The following LRRC4C variants were observed in gnomAD, a reference collection of about 807,000 sequenced individuals.
The protein encoded by LRRC4C is leucine-rich repeat-containing protein 4C.
Under a neutral mutation model 33.6 loss-of-function variants are expected in LRRC4C, and 5 were observed. That is an observed-to-expected ratio of 0.15 (90% CI 0.08 to 0.31). The LOEUF (loss-of-function observed/expected upper bound fraction) is 0.31. LRRC4C is among the 10% of genes least tolerant of loss of function. The pLI is 1.00. For synonymous variants in LRRC4C, 329 were observed against 302.0 expected (o/e 1.09, Z -0.93); for missense variants, 560 against 796.7 (o/e 0.70, Z 3.58).
At chr11:40,728,619 C>G (rs1250070175) in intron 2 of LRRC4C, among the ~76,000 whole-genome samples, 1 of 123,512 alleles carries the variant, frequency 8.1e-6, no homozygotes, top group Admixed American at 8.2e-5. Context: ...GAGTCAGACT[C>G]CGTCTCAAAA....
intron 1 of LRRC4C, among the ~76,000 whole-genome samples, chr11:41,293,283 A>C (rs961702841): frequency 8.5e-5 from 13 of 152,146 alleles, no homozygotes; most frequent in Admixed American, 2.0e-4. Context: ...ATTTTGTATT[A>C]CTATCATAGT....
At chr11:40,195,737 G>T (rs1862208335) in intron 5 of LRRC4C, among the ~76,000 whole-genome samples, 1 of 131,664 alleles carries the variant, frequency 7.6e-6, no homozygotes, top group Admixed American at 7.6e-5. Flanking sequence ...ATAAAAAGGT[G>T]ATTGTCAAAA....
At chr11:40,787,842 C>T (rs1313742800) in intron 2 of LRRC4C, among the ~76,000 whole-genome samples, 1 of 151,930 alleles carries the variant, frequency 6.6e-6, no homozygotes, top group Non-Finnish European at 1.5e-5. Flanking sequence ...TTATGCTTGC[C>T]CAGTGATTTC....
chr11:40,439,405 A>C (rs369169277), intron 3 of LRRC4C, among the ~76,000 whole-genome samples: 1 of 151,688 alleles, frequency 6.6e-6, no homozygotes, highest in Admixed American at 6.6e-5. Context: ...GATATTTATT[A>C]AGTTCCTATT....
chr11:40,642,840 T>C (rs1181796262), intron 3 of LRRC4C, among the ~76,000 whole-genome samples: 1 of 152,214 alleles, frequency 6.6e-6, no homozygotes, highest in Non-Finnish European at 1.5e-5. Flanking sequence ...AAATTCATAG[T>C]TCCACCTTGA....
chr11:41,130,460 C>G (rs1942960524), intron 1 of LRRC4C, among the ~76,000 whole-genome samples: 1 of 151,970 alleles, frequency 6.6e-6, no homozygotes, highest in Admixed American at 6.6e-5. Flanking sequence ...TGCCTCAAAT[C>G]ATACAATATC....
Position 40,574,774 on chromosome 11 carries a change from G to A in LRRC4C, c.-270+73368C>T, listed in dbSNP as rs145002047. Among the ~76,000 whole-genome samples the A allele has an allele frequency of 1.4e-3, 207 of 152,180 alleles. 1 individual carries two copies. Among genetic ancestry groups the A allele is most frequent in the African/African-American group, 4.8e-3 (199 of 41,532 alleles). On this transcript the variant is annotated intron_variant, in intron 3 of 6. Transcript: ENST00000528697. Reference sequence around the variant, plus strand: ...CATACAACAGGAGACATATGCATAGGCATACAGACACCTAGGTTTATTCAT... The same window carrying A: ...CATACAACAGGAGACATATGCATAGACATACAGACACCTAGGTTTATTCAT...
At chr11:40,447,281 A>G (rs1951680842) in intron 3 of LRRC4C, 1 of 152,666 alleles carries the variant, frequency 6.6e-6, no homozygotes, top group African/African-American at 2.4e-5. Flanking sequence ...TGGAGACATC[A>G]TTTCTTCTTG....
chr11:41,427,784 G>T (rs1251832640), intron 1 of LRRC4C, among the ~76,000 whole-genome samples: 1 of 152,100 alleles, frequency 6.6e-6, no homozygotes, highest in African/African-American at 2.4e-5. Context: ...TAAATGGCCT[G>T]TTCCTGCCTT....
intron 1 of LRRC4C, among the ~76,000 whole-genome samples, chr11:41,023,015 CAA>C (rs1411094746): frequency 6.6e-6 from 1 of 151,838 alleles, no homozygotes; most frequent in East Asian, 1.9e-4. Context: ...CTGATGAACT[CAA>C]AGTTATGTAT....
chr11:40,627,110 C>CT (rs1724984013), intron 3 of LRRC4C, among the ~76,000 whole-genome samples: 2 of 133,458 alleles, frequency 1.5e-5, no homozygotes, highest in African/African-American at 5.7e-5. Context: ...TGGGGTGGGT[C>CT]AGGTACTAGG....
intron 1 of LRRC4C, among the ~76,000 whole-genome samples, chr11:41,061,605 C>T (rs976888847): frequency 1.3e-5 from 2 of 152,144 alleles, no homozygotes; most frequent in African/African-American, 4.8e-5. Flanking sequence ...TTTCTTAAAT[C>T]TTTCTAAATC....
At chr11:40,705,853 C>T (rs1946144445) in intron 2 of LRRC4C, among the ~76,000 whole-genome samples, 1 of 152,088 alleles carries the variant, frequency 6.6e-6, no homozygotes, top group Non-Finnish European at 1.5e-5. Context: ...TTCTCCACAT[C>T]CTCTCCAGCA....
chr11:41,041,929 G>A (rs1216497170), intron 1 of LRRC4C, among the ~76,000 whole-genome samples: 1 of 152,092 alleles, frequency 6.6e-6, no homozygotes. Context: ...GATCTGATTT[G>A]TTGGCCTTCT....
At chr11:40,133,084 G>A (rs367563800) in intron 6 of LRRC4C, among the ~76,000 whole-genome samples, 120 of 152,294 alleles carry the variant, frequency 7.9e-4, no homozygotes, top group African/African-American at 2.8e-3. Context: ...CAGTAAGTTG[G>A]TAATGCGGTT....
At chr11:41,262,136 C>G (rs781164691) in intron 1 of LRRC4C, among the ~76,000 whole-genome samples, 1 of 151,918 alleles carries the variant, frequency 6.6e-6, no homozygotes, top group East Asian at 1.9e-4. Flanking sequence ...CACTATTTGA[C>G]CTTTTAACCT....
chr11:41,033,001 T>C (rs1225706700), intron 1 of LRRC4C, among the ~76,000 whole-genome samples: 4 of 152,026 alleles, frequency 2.6e-5, no homozygotes, highest in Non-Finnish European at 5.9e-5. Flanking sequence ...CCTTAGCTGA[T>C]ACCATGAAAC....
At chr11:40,255,730 G>A (rs1867155765) in intron 4 of LRRC4C, among the ~76,000 whole-genome samples, 1 of 152,148 alleles carries the variant, frequency 6.6e-6, no homozygotes, top group East Asian at 1.9e-4. Flanking sequence ...AGTTGTTCTA[G>A]CCTTAGGATA....
At chr11:40,876,260 G>GTTTTTTTTTTTTTTTTTTT (rs34351895) in intron 2 of LRRC4C, among the ~76,000 whole-genome samples, 1 of 91,296 alleles carries the variant, frequency 1.1e-5, no homozygotes, top group Non-Finnish European at 2.0e-5. Flanking sequence ...CTCAGTTAGG[G>GTTTTTTTTTTTTTTTTTTT]TTTTTTTTTT....
Sources: allele counts gnomAD v4.1 joint callset (sites outside exome capture counted in the v4.1 genomes callset), GRCh38; gene constraint gnomAD v4.1.1; transcripts MANE v1.5; gene names NCBI Gene and HGNC (gene_info 2026-07-23, HGNC 2026-07-21).